Variants in SYN2 observed in about 807,000 individuals in gnomAD.
The protein encoded by SYN2 is synapsin II.
In SYN2, 19 loss-of-function variants were observed where a neutral mutation model predicts 50.9. That is an observed-to-expected ratio of 0.37 (90% CI 0.26 to 0.55). SYN2 has a LOEUF of 0.55. Among genes scored for constraint, SYN2 ranks in the 20% least tolerant of loss-of-function variants. The pLI is 0.81. For synonymous variants in SYN2, 255 were observed against 224.9 expected, an observed-to-expected ratio of 1.13 and a Z score of -1.20; for missense variants, 587 against 576.4, an observed-to-expected ratio of 1.02 and a Z score of -0.19.
chr3:12,145,755 A>C lies in SYN2; in HGVS notation c.604A>C (p.Ile202Leu). The C allele has an allele frequency of 6.2e-7, 1 of 1,613,948 alleles. No homozygotes were observed. The highest frequency in any genetic ancestry group is 1.1e-5 in the South Asian group (1 of 91,082). Residue 202 changes from isoleucine (I) to leucine (L), a missense_variant, in exon 4 of 13, where the codon ATC becomes CTC. Transcript: ENST00000621198. ...GGAGAATGAGGACTTCCGCCACCTG[A>C]TCATTGGTATGCAGTATGCAGGCCT... The part of the protein sequence containing the change: ...MAENEDFRHL[I>L]IGMQYAGLPS...
intron 1 of SYN2, among the ~76,000 whole-genome samples, chr3:12,127,389 T>A (rs1332247082): frequency 6.6e-6 from 1 of 152,244 alleles, no homozygotes; most frequent in African/African-American, 2.4e-5. Context: ...TTTCCCACCG[T>A]GTGATCTTGG....
Position 12,162,002 on chromosome 3 carries a change from C to G in SYN2, c.838-10C>G. The G allele has an allele frequency of 6.2e-7, 1 of 1,613,962 alleles. No individual in the cohort carries two copies. Among genetic ancestry groups the G allele is most frequent in the Non-Finnish European group, 8.5e-7 (1 of 1,179,864 alleles). On this transcript the variant is annotated splice_polypyrimidine_tract_variant and intron_variant, in intron 6 of 12. Transcript: ENST00000621198. ...TCCCTTTCCCCCTTTCTGCCCTGCT[C>G]TAACATTAGGTCAAAGTGGAAAACC...
intron 1 of SYN2, among the ~76,000 whole-genome samples, chr3:12,065,833 A>G (rs571415243): frequency 2.0e-5 from 3 of 152,348 alleles, no homozygotes; most frequent in South Asian, 2.1e-4. Context: ...AAACCTGCAC[A>G]TGTACTCCCT....
At chr3:12,186,333 C>T (rs1698341605) in intron 11 of SYN2, among the ~76,000 whole-genome samples, 1 of 152,204 alleles carries the variant, frequency 6.6e-6, no homozygotes, top group South Asian at 2.1e-4. Context: ...GGACCCTCCT[C>T]AGCAAACTCT....
At chr3:12,082,368 A>C (rs1695600971) in intron 1 of SYN2, among the ~76,000 whole-genome samples, 1 of 152,204 alleles carries the variant, frequency 6.6e-6, no homozygotes. Context: ...CATAAAGCAC[A>C]TTGCATAAAC....
chr3:12,179,374 G>GAAAA (rs536283283), intron 10 of SYN2, among the ~76,000 whole-genome samples: 213 of 92,360 alleles, frequency 2.3e-3, no homozygotes, highest in Non-Finnish European at 2.8e-3. Context: ...AGAACTGAAA[G>GAAAA]AAAAAAAAAA....
chr3:12,163,387 G>A (rs1697704375), intron 7 of SYN2, among the ~76,000 whole-genome samples: 1 of 151,912 alleles, frequency 6.6e-6, no homozygotes, highest in Non-Finnish European at 1.5e-5. Flanking sequence ...TTCCCCACCT[G>A]TGTCTGTTTT....
At chr3:12,045,222 T>G (rs1395203298) in intron 1 of SYN2, among the ~76,000 whole-genome samples, 3 of 151,386 alleles carry the variant, frequency 2.0e-5, no homozygotes, top group Non-Finnish European at 4.4e-5. Context: ...TATTTTGGTG[T>G]TTTTTTTTAA....
At chr3:12,130,233 T>C (rs965069910) in intron 1 of SYN2, among the ~76,000 whole-genome samples, 1 of 77,038 alleles carries the variant, frequency 1.3e-5, no homozygotes, top group African/African-American at 3.6e-5. Flanking sequence ...TGCATCTCTG[T>C]GTGCGTGTGT....
At chr3:12,010,747 A>G (rs765219244) in intron 1 of SYN2, among the ~76,000 whole-genome samples, 2 of 152,204 alleles carry the variant, frequency 1.3e-5, no homozygotes, top group African/African-American at 2.4e-5. Context: ...CTATATGGTA[A>G]TGCCTGTAAA....
At chr3:12,053,385 C>T (rs1694911960) in intron 1 of SYN2, among the ~76,000 whole-genome samples, 1 of 152,124 alleles carries the variant, frequency 6.6e-6, no homozygotes, top group South Asian at 2.1e-4. Context: ...CACACCACTG[C>T]ACTCCAGCCT....
chr3:12,168,345 C>T (rs1186360257), intron 8 of SYN2, 31 bp from the exon 9 acceptor site: 1 of 1,592,220 alleles, frequency 6.3e-7, no homozygotes, highest in Non-Finnish European at 8.6e-7. Flanking sequence ...CGAATTGCCC[C>T]AGCTTCAGGA....
At chr3:12,184,835 C>T (rs1178759361) in intron 11 of SYN2, 1 of 985,682 alleles carries the variant, frequency 1.0e-6, no homozygotes, top group Admixed American at 6.1e-5. Flanking sequence ...GCAGCCGCCT[C>T]TAACAAACAC....
At chr3:12,103,209 A>G (rs547120285) in intron 1 of SYN2, among the ~76,000 whole-genome samples, 3 of 152,254 alleles carry the variant, frequency 2.0e-5, no homozygotes, top group African/African-American at 7.2e-5. Flanking sequence ...CACTAATGTA[A>G]AACAGTCTTT....
At position 12,187,521 on chromosome 3, in the gene SYN2, G is replaced by A. The variant is rs748177622; in HGVS notation, c.1522G>A (p.Gly508Arg). 33 of 1,552,474 alleles carry A rather than the reference G, an allele frequency of 2.1e-5. No individual in the cohort carries two copies. Among genetic ancestry groups the A allele is most frequent in the East Asian group, 7.3e-5 (3 of 41,020 alleles). The change falls in exon 12 of 13, where the codon GGA becomes AGA. Residue 508 changes from glycine to arginine, a missense_variant. Coordinates refer to ENST00000621198, the MANE Select transcript of SYN2 (RefSeq NM_133625.6). ...PQRPGGPTTHGDAPSSSSSLA... is the reference protein window; with the variant it reads ...PQRPGGPTTHRDAPSSSSSLA... ...GCGGCCGGGCGGCCCCACCACCCAC[G>A]GAGATGCACCCTCCAGCAGCAGCTC... is the stretch of plus-strand genomic sequence containing the variant.
chr3:12,147,470 C>T (rs1009114323), intron 4 of SYN2, among the ~76,000 whole-genome samples: 3 of 152,268 alleles, frequency 2.0e-5, no homozygotes, highest in East Asian at 3.9e-4. Flanking sequence ...TGCAGAAACA[C>T]GCTAACAGAG....
At chr3:12,158,298 G>A (rs1697519048) in intron 5 of SYN2, among the ~76,000 whole-genome samples, 1 of 152,134 alleles carries the variant, frequency 6.6e-6, no homozygotes, top group South Asian at 2.1e-4. Flanking sequence ...TTGCCATAGG[G>A]GCTTGGTGGC....
chr3:12,190,606 C>T lies in SYN2; in HGVS notation c.1730C>T (p.Ala577Val). The change falls in exon 13 of 13, where the codon GCC becomes GTC. Residue 577 changes from alanine to valine, a missense_variant. Ala to Val is a moderately conservative substitution (Grantham distance 64). Coordinates refer to ENST00000621198, the MANE Select transcript of SYN2 (RefSeq NM_133625.6). The stretch of plus-strand genomic sequence containing the variant: ...ATCCGGAGCTTGAGGAAGTCCTTTG[C>T]CAGCCTCTTTTCAGATTAGCTCTTC... ...ETIRSLRKSF[A>V]SLFSD is the part of the protein sequence containing the mutation. 1 of 1,613,008 alleles carries T rather than the reference C, an allele frequency of 6.2e-7. No individual in the cohort carries two copies. Among genetic ancestry groups the T allele is most frequent in the South Asian group, 1.1e-5 (1 of 90,872 alleles).
At chr3:12,127,069 A>C (rs943113758) in intron 1 of SYN2, among the ~76,000 whole-genome samples, 1 of 152,242 alleles carries the variant, frequency 6.6e-6, no homozygotes, top group Admixed American at 6.5e-5. Flanking sequence ...CTTATAGAAT[A>C]TATTTCATTA....
Sources: allele counts gnomAD v4.1 joint callset (sites outside exome capture counted in the v4.1 genomes callset), GRCh38; gene constraint gnomAD v4.1.1; transcripts MANE v1.5; gene names NCBI Gene and HGNC (gene_info 2026-07-23, HGNC 2026-07-21).